Variants in ZNF469 observed in about 807,000 individuals in gnomAD.
ZNF469 encodes zinc finger protein 469.
In ZNF469, 1 loss-of-function variant was observed where a neutral mutation model predicts 1.0. That is an observed-to-expected ratio of 1.00 (90% confidence interval 0.35 to 4.73). The LOEUF (loss-of-function observed/expected upper bound fraction) is 4.73. ZNF469 is among the 30% of genes most tolerant of loss of function. ZNF469 has a pLI of 0.16. For synonymous variants in ZNF469, 2,703 were observed against 2,363.4 expected (o/e 1.14, Z -4.17); for missense variants, 6,100 against 5,356.3 (o/e 1.14, Z -4.33).
the ZNF469 span, among the ~76,000 whole-genome samples, chr16:88,353,088 G>GA: frequency 6.6e-6 from 1 of 152,208 alleles, no homozygotes; most frequent in Non-Finnish European, 1.5e-5. Context: ...TGCCAAGCAG[G>GA]AGGGAAACCC....
At chr16:88,288,217 TCC>T in the ZNF469 span, among the ~76,000 whole-genome samples, 2 of 152,124 alleles carry the variant, frequency 1.3e-5, no homozygotes, top group Admixed American at 1.3e-4. Flanking sequence ...GCTTCCTAGA[TCC>T]ATGCCCTTCA....
the ZNF469 span, among the ~76,000 whole-genome samples, chr16:88,281,867 G>A: frequency 0.031 from 4,677 of 152,244 alleles, 195 homozygotes; most frequent in East Asian, 0.16. Flanking sequence ...GCTGATGTCA[G>A]TGCACAGGTT....
At chr16:88,419,661 T>C (rs1211660371) in intron 1 of ZNF469, among the ~76,000 whole-genome samples, 1 of 152,136 alleles carries the variant, frequency 6.6e-6, no homozygotes, top group African/African-American at 2.4e-5. Flanking sequence ...AAGCGCCGTC[T>C]GCCCCCTCAA....
chr16:88,354,871 A>G, the ZNF469 span, among the ~76,000 whole-genome samples: 26 of 152,136 alleles, frequency 1.7e-4, no homozygotes. Flanking sequence ...GGCAGCTGAG[A>G]TCAGAGCAGG....
the ZNF469 span, among the ~76,000 whole-genome samples, chr16:88,265,576 G>A: frequency 6.6e-6 from 1 of 152,302 alleles, no homozygotes; most frequent in East Asian, 1.9e-4. Context: ...GCAGCGTGTG[G>A]CATCTGAGCA....
chr16:88,333,652 G>T, the ZNF469 span, among the ~76,000 whole-genome samples: 1 of 152,232 alleles, frequency 6.6e-6, no homozygotes, highest in Non-Finnish European at 1.5e-5. Flanking sequence ...ATGAAGGCAG[G>T]AGCACGGAAG....
chr16:88,231,975 G>A, the ZNF469 span, among the ~76,000 whole-genome samples: 1 of 152,100 alleles, frequency 6.6e-6, no homozygotes, highest in Non-Finnish European at 1.5e-5. This position sits in a 1 kb window ranked among gnomAD's most constrained non-coding sequence, Gnocchi z 4.5. Context: ...ATGAACACCC[G>A]GCCCCAATCT....
intron 1 of ZNF469, among the ~76,000 whole-genome samples, chr16:88,399,246 G>A (rs1904786576): frequency 6.6e-6 from 1 of 152,224 alleles, no homozygotes; most frequent in African/African-American, 2.4e-5. Context: ...GCTCCCTCAT[G>A]TGATGGCGAA....
chr16:88,136,995 T>A, the ZNF469 span, among the ~76,000 whole-genome samples: 2 of 152,252 alleles, frequency 1.3e-5, no homozygotes, highest in Admixed American at 1.3e-4. Context: ...CATGTGCATG[T>A]ACAGTTGTGT....
rs1269113020 is a variant in ZNF469 at position 88,438,273 on chromosome 16, G to A, written c.10803G>A (p.Leu3601=). The change falls in exon 3 of 3, where the codon CTG becomes CTA. Residue 3601 remains leucine (L), a synonymous_variant. Coordinates refer to ENST00000565624, the MANE Select transcript of ZNF469 (RefSeq NM_001367624.2). The part of the protein sequence containing the change: ...LQQALPLGAS[L]PRPGARGQDA... ...AAGCTCTCCCTCTGGGGGCATCTCT[G>A]CCGCGGCCGGGAGCCAGAGGCCAAG... The A allele has an allele frequency of 3.9e-6, 6 of 1,548,334 alleles. No homozygotes were observed. Among genetic ancestry groups the A allele is most frequent in the South Asian group, 1.2e-5 (1 of 84,012 alleles).
upstream of ZNF469, among the ~76,000 whole-genome samples, chr16:88,381,961 A>G (rs2092526346): frequency 6.6e-6 from 1 of 152,258 alleles, no homozygotes. Context: ...AAGGGTGTGC[A>G]ACTTGAACTT....
At chr16:88,319,459 G>A in the ZNF469 span, among the ~76,000 whole-genome samples, 8 of 152,276 alleles carry the variant, frequency 5.3e-5, no homozygotes, top group Non-Finnish European at 8.8e-5. Context: ...CCGAGGCCTC[G>A]GAAGGTGGGG....
rs1471858401 is a variant in ZNF469, at chr16:88,435,545, C to T, written c.8075C>T (p.Pro2692Leu). 8.4e-6 allele frequency: 13 copies of T among 1,549,562 alleles called. No individual in the cohort carries two copies. Among genetic ancestry groups the T allele is most frequent in the Admixed American group, 2.0e-5 (1 of 50,994 alleles). ...GGGCCTGAGGCTGACGGGGAGCAGC[C>T]GCCTCGCTTGGCCACTCTGGGACCT... ...EGGPEADGEQ[P>L]PRLATLGPGV... The change falls in exon 3 of 3, where the codon CCG becomes CTG. Residue 2692 changes from proline (P) to leucine (L), a missense_variant. By Grantham distance (98) the Pro-to-Leu change is moderately conservative (BLOSUM62 -3). Transcript: ENST00000565624.
upstream of ZNF469, among the ~76,000 whole-genome samples, chr16:88,380,090 C>A (rs1371287038): frequency 1.3e-5 from 2 of 151,322 alleles, no homozygotes; most frequent in African/African-American, 4.9e-5. Context: ...CTCACACACA[C>A]AAATGCACTC....
the ZNF469 span, among the ~76,000 whole-genome samples, chr16:88,345,862 C>T: frequency 3.3e-5 from 5 of 152,216 alleles, no homozygotes; most frequent in African/African-American, 1.2e-4. Flanking sequence ...AGGTGACCTT[C>T]AGGCTTCAGC....
chr16:88,421,591 C>T (rs2142290481), intron 1 of ZNF469, among the ~76,000 whole-genome samples: 1 of 152,320 alleles, frequency 6.6e-6, no homozygotes, highest in East Asian at 1.9e-4. Context: ...AATGTCCCTG[C>T]TGTCCTGGGG....
At position 88,439,160 on chromosome 16, in the gene ZNF469, A is replaced by G. The variant is rs1211124300; in HGVS notation, c.11690A>G (p.Gln3897Arg). 3 of 1,550,568 alleles carry G rather than the reference A, an allele frequency of 1.9e-6. No homozygotes were observed. Among genetic ancestry groups the G allele is most frequent in the Middle Eastern group, 1.7e-4 (1 of 5,992 alleles). The change falls in exon 3 of 3, where the codon CAG becomes CGG. Residue 3897 changes from glutamine (Q) to arginine (R), a missense_variant. Physicochemically the swap from Gln to Arg is conservative, Grantham distance 43. Coordinates refer to ENST00000565624, the MANE Select transcript of ZNF469 (RefSeq NM_001367624.2). Reference sequence around the variant, plus strand: ...GACAGACTGGGCAAGGCCTTCCCCCAGGGGAGACCCCTGCTCAGGCCCCCC... The same window carrying G: ...GACAGACTGGGCAAGGCCTTCCCCCGGGGGAGACCCCTGCTCAGGCCCCCC... Reference protein sequence around the residue: ...RKDRLGKAFPQGRPLLRPPKR... With the variant: ...RKDRLGKAFPRGRPLLRPPKR...
the ZNF469 span, among the ~76,000 whole-genome samples, chr16:88,374,434 T>C: frequency 2.0e-5 from 3 of 151,588 alleles, no homozygotes; most frequent in East Asian, 3.9e-4. Flanking sequence ...TGAGTCGGAG[T>C]TGGGGAGGCA....
rs2142307691 is a variant in ZNF469, at chr16:88,432,791, G to A, written c.5321G>A (p.Gly1774Glu). ...SLRLLPCEQR[G>E]GFLPEPGTAD... The stretch of plus-strand genomic sequence containing the variant: ...CGGCTGCTTCCCTGTGAACAGAGAG[G>A]AGGGTTCCTCCCAGAGCCCGGCACA... Residue 1774 changes from glycine (G) to glutamate (E), a missense_variant, in exon 3 of 3, where the codon GGA becomes GAA. Gly to Glu is a moderately conservative substitution (Grantham distance 98). Coordinates refer to ENST00000565624, the MANE Select transcript of ZNF469 (RefSeq NM_001367624.2). 4 of 1,550,382 alleles carry A rather than the reference G, an allele frequency of 2.6e-6. No homozygotes were observed. The highest frequency in any genetic ancestry group is 3.5e-6 in the Non-Finnish European group (4 of 1,146,986).
Sources: gnomAD v4.1 joint callset for allele counts (sites outside exome capture counted in the v4.1 genomes callset) on GRCh38, gnomAD v4.1.1 for gene constraint, Gnocchi (gnomAD v3.1) non-coding constraint, MANE v1.5 for transcripts, NCBI Gene and HGNC (gene_info 2026-07-23, HGNC 2026-07-21) for gene names.